IL12RB1: variants seen among roughly 807,000 people sequenced by gnomAD.
IL12RB1 encodes interleukin-12 receptor subunit beta-1.
A neutral mutation model predicts 94.4 loss-of-function variants in IL12RB1; 64 were observed. The ratio of observed to expected loss-of-function variants is 0.68; its 90% confidence interval spans 0.55 to 0.83. The LOEUF is 0.83. IL12RB1 is among the 40% of genes least tolerant of loss of function. The pLI is 0.00. For missense variants in IL12RB1, 814 were observed against 855.6 expected, an observed-to-expected ratio of 0.95 and a Z score of 0.61; for synonymous variants, 362 against 355.5, an observed-to-expected ratio of 1.02 and a Z score of -0.21.
Position 18,077,570 on chromosome 19 carries a change from C to T in IL12RB1, c.495G>A (p.Gln165=), listed in dbSNP as rs542260912. The part of the protein sequence containing the change: ...LRMEWETPDN[Q]VGAEVQFRHR... The stretch of plus-strand genomic sequence containing the variant: ...GCCGGAACTGCACCTCAGCACCAAC[C>T]TGGTTATCCGGGGTCTCCCACTCCA... The change falls in exon 5 of 17, where the codon CAG becomes CAA. Residue 165 remains glutamine, a synonymous_variant. Coordinates refer to ENST00000593993, the MANE Select transcript of IL12RB1 (RefSeq NM_005535.3). 1.9e-5 allele frequency: 31 copies of T among 1,611,898 alleles called. 1 individual carries two copies. In the South Asian group the frequency reaches 3.3e-4, roughly 17 times the overall value.
In IL12RB1 at chr19:18,081,939, C is replaced by G. The variant is rs1329793589; in HGVS notation, c.239+211G>C. ...GAAGAAGAAAAAAGGACTAGAGAGA[C>G]CCTCATGGCCACCCACCCTGGGATG... On this transcript the variant is annotated intron_variant, in intron 3 of 16. Coordinates refer to ENST00000593993, the MANE Select transcript of IL12RB1 (RefSeq NM_005535.3). Among the ~76,000 whole-genome samples, 9 of 152,080 alleles carry G rather than the reference C, an allele frequency of 5.9e-5. No homozygotes were observed. In the South Asian group the frequency reaches 1.9e-3, roughly 32 times the overall value.
In IL12RB1 at chr19:18,072,291, G is replaced by A. The variant is rs1427832330; in HGVS notation, c.842C>T (p.Thr281Ile). 6 of 1,614,002 alleles carry A rather than the reference G, an allele frequency of 3.7e-6. No individual in the cohort carries two copies. Among genetic ancestry groups the A allele is most frequent in the Middle Eastern group, 1.6e-4 (1 of 6,084 alleles). Residue 281 changes from threonine to isoleucine, a missense_variant, in exon 9 of 17, where the codon ACT (threonine) becomes ATT (isoleucine). Coordinates refer to ENST00000593993, the MANE Select transcript of IL12RB1 (RefSeq NM_005535.3). ...CAGCATGTGGAGCTGTAGTCGGTAA[G>A]TGACCTCCGTGCCAGGCGCCAGCCC... is the stretch of plus-strand genomic sequence containing the variant. ...CQGLAPGTEV[T>I]YRLQLHMLSC...
exon 1 of IL12RB1, chr19:18,098,827 G>C: frequency 2.2e-6 from 1 of 456,282 alleles, no homozygotes; most frequent in Non-Finnish European, 4.4e-6. Context: ...GCAACCTCTG[G>C]AGCTGCCCTC....
intron 4 of IL12RB1, among the ~76,000 whole-genome samples, chr19:18,079,690 A>G (rs1481122425): frequency 6.6e-6 from 1 of 151,286 alleles, no homozygotes; most frequent in Non-Finnish European, 1.5e-5. Context: ...CGGGTGGATC[A>G]TGAGGTCAGG....
chr19:18,084,664 T>G (rs145718142), intron 1 of IL12RB1, among the ~76,000 whole-genome samples: 18 of 36,870 alleles, frequency 4.9e-4, no homozygotes, highest in African/African-American at 1.8e-3. Context: ...CATCCAGCCA[T>G]CCATCCATCC....
Position 18,069,705 on chromosome 19 carries a change from C to A in IL12RB1, c.1030G>T (p.Ala344Ser). 6.2e-7 allele frequency: 1 copy of A among 1,611,132 alleles called. No homozygotes were observed. Among genetic ancestry groups the A allele is most frequent in the Non-Finnish European group, 8.5e-7 (1 of 1,177,946 alleles). The change falls in exon 10 of 17, where the codon GCT becomes TCT. Residue 344 changes from alanine to serine, a missense_variant. Transcript: ENST00000593993. ...IPADTHTEPV[A>S]LNISVGTNGT... ...TTGGTTCCGACGCTGATATTCAGAG[C>A]CACTGGTTCTGGAAGGAGAGGGGAG...
chr19:18,066,704 C>T lies in IL12RB1; in HGVS notation c.1328-7G>A, dbSNP rs752754309. ...GGTGTCCCAGCTGCTGAGGCTGCAA[C>T]CAGTACCATTGTCATAGTCAACACC... On this transcript the variant is annotated splice_polypyrimidine_tract_variant and splice_region_variant and intron_variant, in intron 11 of 16. Coordinates refer to ENST00000593993, the MANE Select transcript of IL12RB1 (RefSeq NM_005535.3). 1 of 1,606,676 alleles carries T rather than the reference C, an allele frequency of 6.2e-7. No individual in the cohort carries two copies. The highest frequency in any genetic ancestry group is 8.5e-7 in the Non-Finnish European group (1 of 1,175,062).
At position 18,069,681 on chromosome 19, in the gene IL12RB1, T is replaced by A; in HGVS notation, c.1054A>T (p.Asn352Tyr). Residue 352 changes from asparagine to tyrosine, a missense_variant, in exon 10 of 17, where the codon AAC (asparagine) becomes TAC (tyrosine). By Grantham distance (143) the Asn-to-Tyr change is moderately radical. Transcript: ENST00000593993. ...PVALNISVGT[N>Y]GTTMYWPARA... is the part of the protein sequence containing the mutation. ...GCTGGCCAATACATGGTGGTCCCGTTGGTTCCGACGCTGATATTCAGAGCC... is the reference window on the plus strand; with the variant it reads ...GCTGGCCAATACATGGTGGTCCCGTAGGTTCCGACGCTGATATTCAGAGCC... 6.2e-7 allele frequency: 1 copy of A among 1,612,782 alleles called. No homozygotes were observed. The highest frequency in any genetic ancestry group is 8.5e-7 in the Non-Finnish European group (1 of 1,179,206).
chr19:18,093,400 G>GCATT (rs1451065761), intron 1 of IL12RB1, among the ~76,000 whole-genome samples: 1 of 151,598 alleles, frequency 6.6e-6, no homozygotes, highest in African/African-American at 2.4e-5. Context: ...CAGAAAAACT[G>GCATT]CATTCATTCA....
In IL12RB1 at chr19:18,073,522, C is replaced by T. The variant is rs754942890; in HGVS notation, c.778G>A (p.Glu260Lys). 1.2e-6 allele frequency: 2 copies of T among 1,604,342 alleles called. No homozygotes were observed. Among genetic ancestry groups the T allele is most frequent in the Non-Finnish European group, 1.7e-6 (2 of 1,171,138 alleles). ...QDGRRRLTLK[E>K]QPTQLELPEG... is the part of the protein sequence containing the mutation. ...CCCTGTGACAGCCCCGTTACCTGCTCTTTCAGGGTCAGCCGCCTCCTCCCA... is the reference window on the plus strand; with the variant it reads ...CCCTGTGACAGCCCCGTTACCTGCTTTTTCAGGGTCAGCCGCCTCCTCCCA... Residue 260 changes from glutamate to lysine, a missense_variant, in exon 8 of 17, where the codon GAG becomes AAG. Transcript: ENST00000593993.
At chr19:18,083,170 T>C (rs2036034195) in intron 2 of IL12RB1, 1 of 594,266 alleles carries the variant, frequency 1.7e-6, no homozygotes, top group Non-Finnish European at 3.0e-6. Flanking sequence ...TTCTCCCATG[T>C]ACCGACCAAT....
Position 18,063,933 on chromosome 19 carries a change from G to A in IL12RB1, c.1561C>T (p.Arg521Ter), listed in dbSNP as rs991981668. ...RAGVAYTVQV[R>*]ADTAWLRGVW... The stretch of plus-strand genomic sequence containing the variant: ...CCCCTCAGCCACGCTGTGTCTGCTC[G>A]CACCTGCACCGTGTAGGCTACACCA... Residue 521 changes from arginine to a stop codon, truncating the protein, a stop_gained, in exon 13 of 17, where the codon CGA becomes TGA. Transcript: ENST00000593993. LOFTEE classifies it high-confidence loss of function. 8.1e-6 allele frequency: 13 copies of A among 1,613,118 alleles called. No individual in the cohort carries two copies. In the African/African-American group the frequency reaches 1.2e-4, roughly 15 times the overall value.
rs372434086 is a variant in IL12RB1 at position 18,066,755 on chromosome 19, AGT to A, written c.1328-60_1328-59del. 1,647 of 1,438,950 alleles carry A rather than the reference AGT, an allele frequency of 1.1e-3. 17 individuals are homozygous for A. The African/African-American group carries it at 0.021, about 19-fold the overall frequency. The allele number at this position is 1,438,950 out of a possible 1,614,324, so 89.1% of individuals were successfully genotyped here. ...AAGAATGCTGGTCGAGGCCTGGCAC[AGT>A]GGCTCGCACCTGTAATCCCAGCACT... On this transcript the variant is annotated intron_variant, in intron 11 of 16. Transcript: ENST00000593993.
intron 12 of IL12RB1, among the ~76,000 whole-genome samples, chr19:18,064,307 T>C (rs1296750211): frequency 6.6e-6 from 1 of 150,958 alleles, no homozygotes; most frequent in Admixed American, 6.6e-5. Flanking sequence ...GCCCAGCTAA[T>C]TTTTTGTATT....
At chr19:18,097,680 G>C in intron 1 of IL12RB1, 1 of 644,342 alleles carries the variant, frequency 1.6e-6, no homozygotes, top group Non-Finnish European at 2.1e-6. Flanking sequence ...CTCCCCGGGA[G>C]GGGCGGGGCC....
At chr19:18,065,193 C>A (rs1407564998) in intron 12 of IL12RB1, among the ~76,000 whole-genome samples, 1 of 152,158 alleles carries the variant, frequency 6.6e-6, no homozygotes, top group East Asian at 1.9e-4. Context: ...TGAACTCTTT[C>A]CTGGGGAAAG....
At chr19:18,092,865 C>A (rs2036698290) in intron 1 of IL12RB1, among the ~76,000 whole-genome samples, 1 of 152,048 alleles carries the variant, frequency 6.6e-6, no homozygotes, top group South Asian at 2.1e-4. Context: ...CATTCAACCA[C>A]CACACTTCCT....
chr19:18,063,076 C>CTTTTTT (rs1345434373), intron 13 of IL12RB1, among the ~76,000 whole-genome samples: 18 of 75,234 alleles, frequency 2.4e-4, no homozygotes, highest in East Asian at 3.8e-4. Context: ...TCTTCTTCTT[C>CTTTTTT]TATTTTTTTT....
At chr19:18,071,573 G>A (rs1427208579) in intron 9 of IL12RB1, among the ~76,000 whole-genome samples, 1 of 151,976 alleles carries the variant, frequency 6.6e-6, no homozygotes, top group Non-Finnish European at 1.5e-5. Flanking sequence ...GATTGCTTGA[G>A]CCCAGAAGTT....
Sources: allele counts gnomAD v4.1 joint callset (sites outside exome capture counted in the v4.1 genomes callset), GRCh38; gene constraint gnomAD v4.1.1; transcripts MANE v1.5; gene names NCBI Gene and HGNC (gene_info 2026-07-23, HGNC 2026-07-21).